Variants in CAMK2B observed in about 807,000 individuals in gnomAD.
CAMK2B encodes the protein calcium/calmodulin-dependent protein kinase type II subunit beta.
In CAMK2B, 27 loss-of-function variants were observed where a neutral mutation model predicts 93.7. The observed-to-expected ratio is 0.29, with a 90% confidence interval of 0.21 to 0.40. CAMK2B has a LOEUF of 0.40. Ranked by LOEUF, CAMK2B falls within the 10% of genes least tolerant of loss-of-function variation. The probability of loss-of-function intolerance (pLI) is 1.00; values close to 1 mark genes in which losing one functional copy is unlikely to be tolerated. For synonymous variants in CAMK2B, 374 were observed against 358.8 expected (o/e 1.04, Z -0.48); for missense variants, 568 against 895.8 (o/e 0.63, Z 4.67).
intron 12 of CAMK2B, 53 bp downstream of exon 12, chr7:44,240,654 G>C (rs181028779): frequency 3.1e-6 from 5 of 1,593,026 alleles, no homozygotes; most frequent in Non-Finnish European, 3.4e-6. Flanking sequence ...GCTCTCCTGC[G>C]TGGGCCAGCA....
chr7:44,278,598 A>T (rs1313965947), intron 2 of CAMK2B, among the ~76,000 whole-genome samples: 1 of 152,184 alleles, frequency 6.6e-6, no homozygotes, highest in Non-Finnish European at 1.5e-5. Flanking sequence ...AGGCCACAGG[A>T]CAGAGCACCC....
At chr7:44,262,242 A>C (rs1028461105) in intron 3 of CAMK2B, among the ~76,000 whole-genome samples, 44 of 152,168 alleles carry the variant, frequency 2.9e-4, no homozygotes, top group African/African-American at 1.1e-3. Context: ...GCATAAGTGA[A>C]TCAGAGCTTT....
At position 44,312,183 on chromosome 7, in the gene CAMK2B, C is replaced by T. The variant is rs1395806137; in HGVS notation, c.65+13174G>A. Among the ~76,000 whole-genome samples, 1 of 152,208 alleles carries T rather than the reference C, an allele frequency of 6.6e-6. No individual in the cohort carries two copies. The highest frequency in any genetic ancestry group is 1.5e-5 in the Non-Finnish European group (1 of 68,038). On this transcript the variant is annotated intron_variant, in intron 1 of 23. Transcript: ENST00000395749. This position sits in a 1 kb window ranked among gnomAD's most constrained non-coding sequence, Gnocchi z 4.1. ...CTCTGGTCCATCCACACTCCAGAGCCTCCATCCTTGGTGCCAGAAAGTGGA... is the reference window on the plus strand; with the variant it reads ...CTCTGGTCCATCCACACTCCAGAGCTTCCATCCTTGGTGCCAGAAAGTGGA...
chr7:44,248,793 T>C lies in CAMK2B; in HGVS notation c.342-1601A>G, dbSNP rs2096754054. 6.6e-6 allele frequency among the ~76,000 whole-genome samples: 1 copy of C among 152,154 alleles called. No homozygotes were observed. Among genetic ancestry groups the C allele is most frequent in the Non-Finnish European group, 1.5e-5 (1 of 68,026 alleles). ...GAATCTGAGTTTCCTCCTGAAGAAA[T>C]CCAGCCCTCAGAGTCCTAATGGGTG... On this transcript the variant is annotated intron_variant, in intron 5 of 23. Transcript: ENST00000395749. This position sits in a 1 kb window ranked among gnomAD's most constrained non-coding sequence, Gnocchi z 4.1.
chr7:44,241,657 A>C, intron 11 of CAMK2B, 43 bp downstream of exon 11: 4 of 1,503,218 alleles, frequency 2.7e-6, no homozygotes, highest in South Asian at 1.1e-5. Context: ...AGAGGGACAC[A>C]GAGAAGCATG....
rs2096367106 is a variant in CAMK2B at position 44,219,279 on chromosome 7, TTTTG to T, written c.*242_*245del. The T allele has an allele frequency of 7.2e-6, 1 of 138,484 alleles. No homozygotes were observed. Among genetic ancestry groups the T allele is most frequent in the Non-Finnish European group, 1.6e-5 (1 of 63,324 alleles). 8.6% of individuals were successfully genotyped at this position (138,484 alleles called of 1,614,324 possible). On this transcript the variant is annotated 3_prime_UTR_variant, in exon 24 of 24. Coordinates refer to ENST00000395749, the MANE Select transcript of CAMK2B (RefSeq NM_001220.5). ...ACAGCTTTTTCCTTCCTTTAGTTTT[TTTTG>T]TTTTTTTTTTTTTTCATTTCATCTG...
intron 1 of CAMK2B, among the ~76,000 whole-genome samples, chr7:44,295,734 T>C (rs1788113329): frequency 6.6e-6 from 1 of 152,158 alleles, no homozygotes; most frequent in African/African-American, 2.4e-5. Context: ...CTGTTCTTCT[T>C]AAAACCCTGC....
intron 4 of CAMK2B, among the ~76,000 whole-genome samples, chr7:44,258,194 G>A (rs1268220936): frequency 3.3e-5 from 5 of 152,198 alleles, no homozygotes; most frequent in East Asian, 1.9e-4. Context: ...TACTGCACAC[G>A]CACTCATGAA....
intron 5 of CAMK2B, among the ~76,000 whole-genome samples, chr7:44,252,626 G>A (rs1276293347): frequency 6.6e-6 from 1 of 152,068 alleles, no homozygotes; most frequent in African/African-American, 2.4e-5. Flanking sequence ...GGCTCTAGGA[G>A]GCCACATGCC....
chr7:44,315,142 A>C (rs1794559741), intron 1 of CAMK2B, among the ~76,000 whole-genome samples: 1 of 152,224 alleles, frequency 6.6e-6, no homozygotes, highest in Admixed American at 6.5e-5. Context: ...CATATCTAAA[A>C]AACCATTGCC....
chr7:44,255,738 C>A (rs529684331), intron 4 of CAMK2B, among the ~76,000 whole-genome samples: 2 of 152,236 alleles, frequency 1.3e-5, no homozygotes, highest in East Asian at 3.9e-4. Context: ...CAGGGAAGAC[C>A]CAGGGAGTGG....
rs1276801276 is a variant in CAMK2B, at chr7:44,224,165, G to A, written c.1597+2351C>T. On this transcript the variant is annotated intron_variant, in intron 20 of 23. Coordinates refer to ENST00000395749, the MANE Select transcript of CAMK2B (RefSeq NM_001220.5). This position sits in a 1 kb window ranked among gnomAD's most constrained non-coding sequence, Gnocchi z 4.4. ...AAGAGTGGTAACCGTGCTGAAGTACGGGAAGCAGGTCCGTTGTGAGACCCA... is the reference window on the plus strand; with the variant it reads ...AAGAGTGGTAACCGTGCTGAAGTACAGGAAGCAGGTCCGTTGTGAGACCCA... Among the ~76,000 whole-genome samples, 4 of 152,182 alleles carry A rather than the reference G, an allele frequency of 2.6e-5. No homozygotes were observed. The highest frequency in any genetic ancestry group is 2.1e-4 in the South Asian group (1 of 4,828).
At chr7:44,263,085 G>A (rs2096893511) in intron 2 of CAMK2B, 21 bp from the exon 3 acceptor site, 1 of 1,612,212 alleles carries the variant, frequency 6.2e-7, no homozygotes, top group Admixed American at 1.7e-5. Context: ...GGAAAAACAA[G>A]GCGTCACCTC....
intron 1 of CAMK2B, among the ~76,000 whole-genome samples, chr7:44,289,962 C>T (rs934330320): frequency 6.6e-6 from 1 of 152,222 alleles, no homozygotes; most frequent in Admixed American, 6.5e-5. Flanking sequence ...GTTTCCTCCC[C>T]AAGTGCTGGG....
At chr7:44,274,497 C>T (rs1480897447) in intron 2 of CAMK2B, among the ~76,000 whole-genome samples, 1 of 152,250 alleles carries the variant, frequency 6.6e-6, no homozygotes, top group Non-Finnish European at 1.5e-5. Flanking sequence ...CAAACCCGCA[C>T]CTTTCGGGCT....
chr7:44,231,329 G>A (rs762538676), intron 16 of CAMK2B, among the ~76,000 whole-genome samples: 2 of 152,204 alleles, frequency 1.3e-5, no homozygotes, highest in Admixed American at 6.5e-5. Flanking sequence ...CCTCACCAGG[G>A]TGCATTCTCA....
intron 22 of CAMK2B, 51 bp downstream of exon 22, chr7:44,220,565 G>A (rs1410204179): frequency 1.3e-6 from 2 of 1,482,286 alleles, no homozygotes; most frequent in Non-Finnish European, 1.9e-6. Context: ...GGGCCGAGAG[G>A]CTCTCCTGGG....
intron 1 of CAMK2B, among the ~76,000 whole-genome samples, chr7:44,301,777 GA>G (rs961442087): frequency 2.1e-5 from 3 of 141,722 alleles, no homozygotes; most frequent in African/African-American, 7.8e-5. Flanking sequence ...CTCCATCTCA[GA>G]AAAAAAAAAG....
chr7:44,282,976 C>T (rs2097114020), intron 2 of CAMK2B, among the ~76,000 whole-genome samples: 1 of 152,190 alleles, frequency 6.6e-6, no homozygotes, highest in Non-Finnish European at 1.5e-5. Flanking sequence ...ACAGGGGCTT[C>T]GCTTGGCTCC....
Sources: gnomAD v4.1 joint callset for allele counts (sites outside exome capture counted in the v4.1 genomes callset) on GRCh38, gnomAD v4.1.1 for gene constraint, Gnocchi (gnomAD v3.1) non-coding constraint, MANE v1.5 for transcripts, NCBI Gene and HGNC (gene_info 2026-07-23, HGNC 2026-07-21) for gene names.